Variants in CBFA2T2 observed in about 807,000 individuals in gnomAD.
CBFA2T2 encodes protein CBFA2T2.
A neutral mutation model predicts 62.2 loss-of-function variants in CBFA2T2; 11 were observed. The observed-to-expected ratio is 0.18, with a 90% CI of 0.11 to 0.29. CBFA2T2 has a LOEUF of 0.29. Ranked by LOEUF, CBFA2T2 falls within the 10% of genes least tolerant of loss-of-function variation. The pLI is 1.00. For missense variants in CBFA2T2, 592 were observed against 774.1 expected, an observed-to-expected ratio of 0.76 and a Z score of 2.79; for synonymous variants, 295 against 287.5, an observed-to-expected ratio of 1.03 and a Z score of -0.27.
chr20:33,559,073 A>G (rs1459634432), intron 1 of CBFA2T2, among the ~76,000 whole-genome samples: 2 of 147,148 alleles, frequency 1.4e-5, no homozygotes, highest in Non-Finnish European at 2.9e-5. Context: ...TCTCTGAAAG[A>G]TAAGTAATCA....
intron 5 of CBFA2T2, among the ~76,000 whole-genome samples, chr20:33,624,336 TAA>T (rs11419778): frequency 4.0e-4 from 57 of 143,612 alleles, no homozygotes; most frequent in Non-Finnish European, 3.8e-4. Flanking sequence ...TGACTGGCTT[TAA>T]AAAAAAAAAA....
At chr20:33,549,497 C>G (rs1032941337) in intron 1 of CBFA2T2, among the ~76,000 whole-genome samples, 3 of 152,058 alleles carry the variant, frequency 2.0e-5, no homozygotes. Flanking sequence ...AAAGAAGCCA[C>G]AAAAGATGAC....
At chr20:33,608,970 T>G (rs1261376211) in intron 2 of CBFA2T2, among the ~76,000 whole-genome samples, 1 of 152,202 alleles carries the variant, frequency 6.6e-6, no homozygotes, top group Non-Finnish European at 1.5e-5. Context: ...TTTCCTTTCA[T>G]TAGCTTTACT....
chr20:33,605,005 G>A (rs545822833), intron 1 of CBFA2T2, among the ~76,000 whole-genome samples: 1 of 152,344 alleles, frequency 6.6e-6, no homozygotes, highest in East Asian at 1.9e-4. Context: ...AGAGAAATGG[G>A]AAGGGCTGGC....
chr20:33,592,050 G>A (rs924238775), intron 1 of CBFA2T2, among the ~76,000 whole-genome samples: 1 of 152,018 alleles, frequency 6.6e-6, no homozygotes. Context: ...GATAACAAGT[G>A]TTAGTTGATG....
chr20:33,567,458 C>T (rs1004605491), intron 1 of CBFA2T2, among the ~76,000 whole-genome samples: 52 of 152,070 alleles, frequency 3.4e-4, no homozygotes, highest in Admixed American at 3.0e-3. Flanking sequence ...TGGTACAGTA[C>T]GCTAAGACAT....
intron 1 of CBFA2T2, among the ~76,000 whole-genome samples, chr20:33,537,498 C>T (rs567540971): frequency 4.6e-5 from 7 of 152,172 alleles, no homozygotes; most frequent in African/African-American, 9.6e-5. Context: ...AGAGGGAGAC[C>T]GTGGGCCGTG....
chr20:33,625,384 G>A (rs1160287479), intron 6 of CBFA2T2, among the ~76,000 whole-genome samples: 3 of 152,146 alleles, frequency 2.0e-5, no homozygotes, highest in Non-Finnish European at 4.4e-5. Context: ...CTACTAGGGA[G>A]GCTGAGGAGG....
intron 3 of CBFA2T2, among the ~76,000 whole-genome samples, chr20:33,616,228 T>A (rs2015709986): frequency 6.6e-6 from 1 of 152,212 alleles, no homozygotes; most frequent in Non-Finnish European, 1.5e-5. Flanking sequence ...TAACTAACTT[T>A]CCCTCTCCTG....
intron 1 of CBFA2T2, among the ~76,000 whole-genome samples, chr20:33,583,322 T>C (rs1478386826): frequency 6.6e-6 from 1 of 152,262 alleles, no homozygotes; most frequent in East Asian, 1.9e-4. Flanking sequence ...TACATGATAA[T>C]TGACCTTTTC....
rs559797493 is a variant in CBFA2T2 at position 33,521,401 on chromosome 20, T to G, written c.34+31100T>G. On this transcript the variant is annotated intron_variant, in intron 1 of 10. Coordinates refer to ENST00000342704, the MANE Select transcript of CBFA2T2 (RefSeq NM_001032999.3). ...TTTAAATTTCTTCCTGACATTTATC[T>G]TGTTATAATAATAACTCTCTGACAT... 2.0e-4 allele frequency among the ~76,000 whole-genome samples: 31 copies of G among 152,348 alleles called. No homozygotes were observed. In the South Asian group the frequency reaches 6.4e-3, roughly 32 times the overall value.
At chr20:33,494,239 A>ATGTG (rs35933932) in intron 1 of CBFA2T2, among the ~76,000 whole-genome samples, 7 of 28,478 alleles carry the variant, frequency 2.5e-4, no homozygotes, top group Admixed American at 7.8e-4. Flanking sequence ...AGGCATATAT[A>ATGTG]TGTGTATATA....
At chr20:33,525,251 T>C (rs2011855245) in intron 1 of CBFA2T2, among the ~76,000 whole-genome samples, 1 of 150,838 alleles carries the variant, frequency 6.6e-6, no homozygotes, top group African/African-American at 2.4e-5. Context: ...AATGGCACAA[T>C]CTCGGCTCAC....
At chr20:33,572,865 C>A (rs1373049634) in intron 1 of CBFA2T2, among the ~76,000 whole-genome samples, 1 of 152,064 alleles carries the variant, frequency 6.6e-6, no homozygotes, top group Admixed American at 6.6e-5. Context: ...TTCTTCCTGT[C>A]ATATAGAGAA....
At chr20:33,576,920 T>C (rs185478158) in intron 1 of CBFA2T2, among the ~76,000 whole-genome samples, 21 of 152,394 alleles carry the variant, frequency 1.4e-4, no homozygotes, top group African/African-American at 5.0e-4. Flanking sequence ...ATCTTATAGC[T>C]GCTACTTTTC....
intron 1 of CBFA2T2, among the ~76,000 whole-genome samples, chr20:33,590,239 C>CT (rs1186596552): frequency 7.0e-6 from 1 of 143,444 alleles, no homozygotes; most frequent in East Asian, 2.0e-4. Flanking sequence ...GCTGTCTCAT[C>CT]TTTTTTTACA....
At chr20:33,555,244 T>A in intron 1 of CBFA2T2, among the ~76,000 whole-genome samples, 1 of 152,126 alleles carries the variant, frequency 6.6e-6, no homozygotes, top group Non-Finnish European at 1.5e-5. Flanking sequence ...TGGAGCCAGC[T>A]GTCTCAGCCT....
At chr20:33,526,790 A>G (rs1600930422) in intron 1 of CBFA2T2, among the ~76,000 whole-genome samples, 1 of 152,180 alleles carries the variant, frequency 6.6e-6, no homozygotes, top group African/African-American at 2.4e-5. Context: ...CTATATTTCC[A>G]TGTGTTCTAT....
At chr20:33,524,079 T>G (rs1453418451) in intron 1 of CBFA2T2, among the ~76,000 whole-genome samples, 4 of 152,084 alleles carry the variant, frequency 2.6e-5, no homozygotes, top group Non-Finnish European at 5.9e-5. Flanking sequence ...GTCCCTCTTT[T>G]TTTGTTTTCT....
Sources: gnomAD v4.1 joint callset for allele counts (sites outside exome capture counted in the v4.1 genomes callset) on GRCh38, gnomAD v4.1.1 for gene constraint, MANE v1.5 for transcripts, NCBI Gene and HGNC (gene_info 2026-07-23, HGNC 2026-07-21) for gene names.